The following ANP32B variants were observed in gnomAD, a reference collection of about 807,000 sequenced individuals.
ANP32B encodes the protein acidic leucine-rich nuclear phosphoprotein 32 family member B.
In ANP32B, 6 loss-of-function variants were observed where a neutral mutation model predicts 32.2. That is an observed-to-expected ratio of 0.19 (90% CI 0.10 to 0.37). The LOEUF (loss-of-function observed/expected upper bound fraction) is 0.37, where lower values mean the gene tolerates loss of function less well. ANP32B is among the 10% of genes least tolerant of loss of function. The pLI is 1.00. For synonymous variants in ANP32B, 98 were observed against 105.8 expected (o/e 0.93, Z 0.45); for missense variants, 204 against 289.2 (o/e 0.71, Z 2.14).
intron 1 of ANP32B, among the ~76,000 whole-genome samples, chr9:97,991,069 G>T (rs1310195605): frequency 6.6e-6 from 1 of 151,142 alleles, no homozygotes; most frequent in Non-Finnish European, 1.5e-5. Flanking sequence ...TGATCTGCCC[G>T]CCTCAGCCTC....
At chr9:98,001,495 T>C (rs898870240) in intron 3 of ANP32B, among the ~76,000 whole-genome samples, 3 of 152,146 alleles carry the variant, frequency 2.0e-5, no homozygotes, top group Non-Finnish European at 4.4e-5. Context: ...CCTGGCCTTC[T>C]CTTTTAATTT....
chr9:98,009,476 G>A (rs902911522), intron 4 of ANP32B, among the ~76,000 whole-genome samples: 1 of 152,240 alleles, frequency 6.6e-6, no homozygotes, highest in Non-Finnish European at 1.5e-5. Context: ...GGGGGCGGCA[G>A]CTGAATGGTT....
chr9:97,984,521 G>C (rs2131577573), intron 1 of ANP32B: 1 of 151,144 alleles, frequency 6.6e-6, no homozygotes, highest in East Asian at 2.0e-4. Flanking sequence ...TGGCCCCTCC[G>C]TGTGGGCGGG....
chr9:98,001,452 A>G (rs1827991255), intron 3 of ANP32B, among the ~76,000 whole-genome samples: 2 of 152,234 alleles, frequency 1.3e-5, no homozygotes, highest in South Asian at 2.1e-4. Flanking sequence ...TCAGCCTCCC[A>G]AAGCGCTGGG....
At chr9:97,995,850 G>A (rs1009429723) in intron 2 of ANP32B, among the ~76,000 whole-genome samples, 2 of 151,542 alleles carry the variant, frequency 1.3e-5, no homozygotes, top group African/African-American at 4.9e-5. Context: ...TTGAACCCAG[G>A]CGGTGGCTGA....
chr9:98,015,501 TTAAA>T lies in ANP32B; in HGVS notation c.*71_*74del. The T allele has an allele frequency of 6.7e-7, 1 of 1,489,094 alleles. No homozygotes were observed. The highest frequency in any genetic ancestry group is 1.5e-5 in the African/African-American group (1 of 65,284). 92.2% of individuals were successfully genotyped at this position (1,489,094 alleles called of 1,614,324 possible). A position where few individuals can be genotyped will look rare whatever the true frequency, so the allele number is the denominator to read the frequency against. On this transcript the variant is annotated 3_prime_UTR_variant, in exon 7 of 7. Transcript: ENST00000339399. ...GACTGCTCATGGATTTTGTAGCTGT[TTAAA>T]AAAAAAAAAAAGGTAGCTGTGATAC...
intron 1 of ANP32B, among the ~76,000 whole-genome samples, chr9:97,992,905 T>C (rs1181005092): frequency 6.6e-6 from 1 of 152,180 alleles, no homozygotes; most frequent in Non-Finnish European, 1.5e-5. Context: ...TAGGTACTAT[T>C]ATCTCCACTT....
rs1828168521 is a variant in ANP32B at position 98,010,709 on chromosome 9, AC to A, written c.518-560del. ...AACTGCCGCACTAGAGGTCCGAACAACCAGCTAGAGATGCAGGTGCCTCTCA... is the reference window on the plus strand; with the variant it reads ...AACTGCCGCACTAGAGGTCCGAACAACAGCTAGAGATGCAGGTGCCTCTCA... On this transcript the variant is annotated intron_variant, in intron 4 of 6. Coordinates refer to ENST00000339399, the MANE Select transcript of ANP32B (RefSeq NM_006401.3). 3.3e-5 allele frequency among the ~76,000 whole-genome samples: 5 copies of A among 152,224 alleles called. No homozygotes were observed. The South Asian group carries it at 1.0e-3, about 32-fold the overall frequency.
At chr9:97,995,783 C>T (rs1476846267) in intron 2 of ANP32B, among the ~76,000 whole-genome samples, 1 of 151,910 alleles carries the variant, frequency 6.6e-6, no homozygotes, top group Admixed American at 6.6e-5. Context: ...ATCAGCTGGG[C>T]ACGGTGGCAC....
chr9:97,990,173 T>C (rs974180591), intron 1 of ANP32B, among the ~76,000 whole-genome samples: 1 of 152,252 alleles, frequency 6.6e-6, no homozygotes, highest in East Asian at 1.9e-4. Flanking sequence ...TTTCCTCTTC[T>C]AAGTTAGGTA....
chr9:98,003,345 G>T (rs1008116426), intron 3 of ANP32B, among the ~76,000 whole-genome samples: 1 of 152,188 alleles, frequency 6.6e-6, no homozygotes, highest in Non-Finnish European at 1.5e-5. Context: ...TTCATGTGCA[G>T]GGGTCAGTAG....
At chr9:98,001,223 G>A (rs1171931368) in intron 3 of ANP32B, among the ~76,000 whole-genome samples, 3 of 140,294 alleles carry the variant, frequency 2.1e-5, no homozygotes, top group Non-Finnish European at 4.5e-5. Context: ...ACGGAGTCTC[G>A]CTCTGTCACC....
chr9:98,011,990 A>C (rs1472849499), intron 5 of ANP32B, among the ~76,000 whole-genome samples: 1 of 152,220 alleles, frequency 6.6e-6, no homozygotes, highest in African/African-American at 2.4e-5. Flanking sequence ...GTTGTTAACA[A>C]AACGCATCCT....
chr9:98,014,804 G>A (rs1438078155), intron 6 of ANP32B, among the ~76,000 whole-genome samples: 1 of 152,162 alleles, frequency 6.6e-6, no homozygotes. Flanking sequence ...CCAGGCTGGA[G>A]TCCAGTGGCA....
chr9:98,001,188 T>C (rs1827985388), intron 3 of ANP32B, among the ~76,000 whole-genome samples: 1 of 150,940 alleles, frequency 6.6e-6, no homozygotes. Context: ...TTTTTTCTGG[T>C]TTAATTTTTT....
At chr9:97,984,805 T>C (rs1056205003) in intron 1 of ANP32B, 1 of 148,772 alleles carries the variant, frequency 6.7e-6, no homozygotes, top group African/African-American at 2.5e-5. Context: ...TCCCCCTTCT[T>C]AAAAGGGCAA....
intron 2 of ANP32B, among the ~76,000 whole-genome samples, chr9:97,997,681 A>C (rs993953840): frequency 6.6e-6 from 1 of 152,240 alleles, no homozygotes; most frequent in Non-Finnish European, 1.5e-5. Flanking sequence ...TTTAAATACT[A>C]TGTAAGGGTT....
At chr9:98,000,782 C>T (rs1173383374) in intron 3 of ANP32B, among the ~76,000 whole-genome samples, 1 of 151,840 alleles carries the variant, frequency 6.6e-6, no homozygotes, top group Admixed American at 6.6e-5. Flanking sequence ...AGTACCCAGG[C>T]GTGGTGGCAG....
At chr9:97,989,664 G>A (rs1827791726) in intron 1 of ANP32B, among the ~76,000 whole-genome samples, 1 of 152,056 alleles carries the variant, frequency 6.6e-6, no homozygotes, top group Non-Finnish European at 1.5e-5. Context: ...AATCTAGATT[G>A]GGAAGCTGTG....
Sources: allele counts gnomAD v4.1 joint callset (sites outside exome capture counted in the v4.1 genomes callset), GRCh38; gene constraint gnomAD v4.1.1; transcripts MANE v1.5; gene names NCBI Gene and HGNC (gene_info 2026-07-23, HGNC 2026-07-21).